The following MACROD2 variants were observed in gnomAD, a reference collection of about 807,000 sequenced individuals.
MACROD2 encodes ADP-ribose glycohydrolase MACROD2.
MACROD2 carries 36 observed loss-of-function variants against 70.4 expected under a neutral mutation model. The ratio of observed to expected loss-of-function variants is 0.51; its 90% CI spans 0.39 to 0.68. The LOEUF (loss-of-function observed/expected upper bound fraction) is 0.68, where lower values mean the gene tolerates loss of function less well. MACROD2 is among the 30% of genes least tolerant of loss of function. The pLI is 0.00. For synonymous variants in MACROD2, 172 were observed against 178.8 expected (o/e 0.96, Z 0.30); for missense variants, 496 against 538.4 (o/e 0.92, Z 0.78).
intron 12 of MACROD2, among the ~76,000 whole-genome samples, chr20:15,955,238 A>C (rs1377961420): frequency 6.6e-6 from 1 of 152,190 alleles, no homozygotes; most frequent in African/African-American, 2.4e-5. Context: ...ATTGACTTAA[A>C]TGATGGATCC....
In MACROD2 at chr20:15,344,445, C is replaced by T. The variant is rs73265097; in HGVS notation, c.541-86960C>T. Among the ~76,000 whole-genome samples, 958 of 152,282 alleles carry T rather than the reference C, an allele frequency of 6.3e-3. 11 individuals carry two copies. Among genetic ancestry groups the T allele is most frequent in the African/African-American group, 0.022 (907 of 41,558 alleles). ...TGCTACAGGCTTAGGGACAAACAAA[C>T]ACTATGATTGTTAAAAGATGTTAAA... On this transcript the variant is annotated intron_variant, in intron 6 of 17. Transcript: ENST00000684519.
At position 15,200,425 on chromosome 20, in the gene MACROD2, T is replaced by C. The variant is rs187290724; in HGVS notation, c.419-29515T>C. On this transcript the variant is annotated intron_variant, in intron 5 of 17. Transcript: ENST00000684519. ...AAGGTGAGAAAAGATCAAATCACTG[T>C]TAGTAGCTGCAGAGGCTTTAAAAGA... 9.2e-5 allele frequency among the ~76,000 whole-genome samples: 14 copies of C among 152,312 alleles called. No homozygotes were observed. The East Asian group carries it at 2.5e-3, about 27-fold the overall frequency.
rs542973398 is a variant in MACROD2 at position 15,439,445 on chromosome 20, C to T, written c.571+8010C>T. Among the ~76,000 whole-genome samples the T allele has an allele frequency of 3.5e-4, 53 of 152,298 alleles. No individual in the cohort carries two copies. In the South Asian group the frequency reaches 3.5e-3, roughly 10 times the overall value. ...TGAGCATACCCATTTCCTGGAAACT[C>T]GGACCTCAGCATCACACTCACAGTG... On this transcript the variant is annotated intron_variant, in intron 7 of 17. Transcript: ENST00000684519.
At chr20:15,178,473 G>T (rs995557691) in intron 5 of MACROD2, among the ~76,000 whole-genome samples, 2 of 152,184 alleles carry the variant, frequency 1.3e-5, no homozygotes, top group African/African-American at 4.8e-5. Context: ...AAGTGGATTT[G>T]CCTAGCTAGT....
intron 6 of MACROD2, among the ~76,000 whole-genome samples, chr20:15,339,496 T>G (rs1219786012): frequency 6.6e-6 from 1 of 151,910 alleles, no homozygotes; most frequent in Non-Finnish European, 1.5e-5. Context: ...AAGAACTGGC[T>G]GCTAAATCGT....
chr20:15,100,777 C>G (rs144111024), intron 5 of MACROD2, among the ~76,000 whole-genome samples: 2 of 152,234 alleles, frequency 1.3e-5, no homozygotes, highest in African/African-American at 4.8e-5. Flanking sequence ...GACTCATTAG[C>G]TGGGATGGTG....
At chr20:14,579,326 A>C (rs1980850444) in intron 4 of MACROD2, among the ~76,000 whole-genome samples, 1 of 150,646 alleles carries the variant, frequency 6.6e-6, no homozygotes, top group African/African-American at 2.4e-5. Flanking sequence ...TATTTTTAGT[A>C]GAGACGGGGT....
At chr20:15,092,326 A>T (rs1391010562) in intron 5 of MACROD2, among the ~76,000 whole-genome samples, 1 of 150,796 alleles carries the variant, frequency 6.6e-6, no homozygotes, top group Admixed American at 6.6e-5. Context: ...ACACATTTTC[A>T]AATATAATTA....
chr20:14,459,885 C>T (rs1372356688), intron 3 of MACROD2, among the ~76,000 whole-genome samples: 1 of 151,588 alleles, frequency 6.6e-6, no homozygotes, highest in East Asian at 1.9e-4. Context: ...AGTCTCTCAC[C>T]CCCTGACAGG....
chr20:14,022,747 A>G (rs2053105506), intron 2 of MACROD2, among the ~76,000 whole-genome samples: 3 of 152,214 alleles, frequency 2.0e-5, no homozygotes, highest in Admixed American at 1.3e-4. Flanking sequence ...TTCCAGCTTC[A>G]TCCATGTCCC....
intron 7 of MACROD2, among the ~76,000 whole-genome samples, chr20:15,460,977 C>CATATATAT (rs1157335873): frequency 3.2e-4 from 22 of 69,738 alleles, no homozygotes; most frequent in African/African-American, 7.1e-4. Context: ...TCTCTCTCTC[C>CATATATAT]ATATATATAT....
intron 2 of MACROD2, among the ~76,000 whole-genome samples, chr20:14,085,153 G>A (rs1291982028): frequency 3.7e-5 from 2 of 53,942 alleles, no homozygotes; most frequent in Admixed American, 5.1e-4. Flanking sequence ...GCGATAGAGT[G>A]AGATTCCCTC....
intron 7 of MACROD2, among the ~76,000 whole-genome samples, chr20:15,467,673 T>G (rs1019466189): frequency 6.6e-6 from 1 of 152,196 alleles, no homozygotes; most frequent in Non-Finnish European, 1.5e-5. Flanking sequence ...GTTAATGAAT[T>G]TTGCAGCAGA....
At chr20:15,113,689 G>C (rs995852245) in intron 5 of MACROD2, among the ~76,000 whole-genome samples, 17 of 151,734 alleles carry the variant, frequency 1.1e-4, no homozygotes, top group African/African-American at 3.9e-4. Context: ...GGTTTTGCCT[G>C]TTTCTTACAT....
At chr20:14,601,142 G>T (rs1982470955) in intron 4 of MACROD2, among the ~76,000 whole-genome samples, 1 of 152,144 alleles carries the variant, frequency 6.6e-6, no homozygotes, top group African/African-American at 2.4e-5. Context: ...CACCAGGGCT[G>T]ACTTATCCCT....
At position 14,270,314 on chromosome 20, in the gene MACROD2, G is replaced by A. The variant is rs182052206; in HGVS notation, c.271+184586G>A. 2.3e-3 allele frequency among the ~76,000 whole-genome samples: 348 copies of A among 152,118 alleles called. 1 individual carries two copies. Among genetic ancestry groups the A allele is most frequent in the African/African-American group, 7.8e-3 (325 of 41,502 alleles). ...ATTATTAGACTATGTCCTCTCAACC[G>A]GGCACAGTGGCTTATGCCTATAATC... On this transcript the variant is annotated intron_variant, in intron 3 of 17. Transcript: ENST00000684519.
intron 8 of MACROD2, among the ~76,000 whole-genome samples, chr20:15,778,818 T>A (rs566257718): frequency 1.8e-4 from 28 of 152,180 alleles, no homozygotes; most frequent in Non-Finnish European, 4.0e-4. Context: ...GCACTTCCAG[T>A]CATAATTGAA....
intron 5 of MACROD2, among the ~76,000 whole-genome samples, chr20:15,045,972 A>T (rs2075391452): frequency 6.8e-6 from 1 of 147,738 alleles, no homozygotes; most frequent in Admixed American, 6.7e-5. Flanking sequence ...TCTTCCTGTC[A>T]CCTCTTCAAC....
chr20:14,726,423 C>G lies in MACROD2; in HGVS notation c.418+41464C>G, dbSNP rs560573538. ...TTGATCCTAACTCCTGGGATCAGAA[C>G]GAATGAAGCGATTAGTGTCACAGGC... On this transcript the variant is annotated intron_variant, in intron 5 of 17. Transcript: ENST00000684519. Among the ~76,000 whole-genome samples, 5 of 152,232 alleles carry G rather than the reference C, an allele frequency of 3.3e-5. No homozygotes were observed. In the South Asian group the frequency reaches 1.0e-3, roughly 32 times the overall value.
Sources: allele counts gnomAD v4.1 joint callset (sites outside exome capture counted in the v4.1 genomes callset), GRCh38; gene constraint gnomAD v4.1.1; transcripts MANE v1.5; gene names NCBI Gene and HGNC (gene_info 2026-07-23, HGNC 2026-07-21).